The following SUN3 variants were observed in gnomAD, a reference collection of about 807,000 sequenced individuals.
The protein encoded by SUN3 is Sad1 and UNC84 domain containing 3, also known as SUN domain-containing protein 3.
SUN3 carries 36 observed loss-of-function variants against 48.2 expected under a neutral mutation model. That is an observed-to-expected ratio of 0.75 (90% CI 0.57 to 0.99). SUN3 has a LOEUF of 0.99. Among genes scored for constraint, SUN3 ranks in the 50% least tolerant of loss-of-function variants. The pLI is 0.00. For missense variants in SUN3, 419 were observed against 433.1 expected, an observed-to-expected ratio of 0.97 and a Z score of 0.29; for synonymous variants, 148 against 147.9, an observed-to-expected ratio of 1.00 and a Z score of 0.00.
rs761369642 is a variant in SUN3, at chr7:47,988,864, C to A, written c.878G>T (p.Cys293Phe). The A allele has an allele frequency of 1.9e-6, 3 of 1,604,110 alleles. No homozygotes were observed. In the South Asian group the frequency reaches 3.3e-5, roughly 18 times the overall value. Residue 293 changes from cysteine to phenylalanine, a missense_variant, in exon 9 of 10, where the codon TGT becomes TTT. By Grantham distance (205) the Cys-to-Phe change is radical (BLOSUM62 -2). Coordinates refer to ENST00000297325, the MANE Select transcript of SUN3 (RefSeq NM_001030019.2). Reference protein sequence around the residue: ...EFSVYGITKKCEGEEIFLGQF... With the variant: ...EFSVYGITKKFEGEEIFLGQF... Reference sequence around the variant, plus strand: ...ACCTAGGAAAATTTCTTCTCCTTCACATTTTTTTGTGATGCCCTATAAAGA... The same window carrying A: ...ACCTAGGAAAATTTCTTCTCCTTCAAATTTTTTTGTGATGCCCTATAAAGA...
chr7:48,027,060 G>A lies in SUN3; in HGVS notation c.123-1122C>T, dbSNP rs1156427911. On this transcript the variant is annotated intron_variant, in intron 1 of 9. Transcript: ENST00000297325. ...AGCTCTATCCCCATTAAGTAGGTTT[G>A]TCTGGGTTTGAACCATCTATAAATG... Among the ~76,000 whole-genome samples, 4 of 152,144 alleles carry A rather than the reference G, an allele frequency of 2.6e-5. No individual in the cohort carries two copies. In the East Asian group the frequency reaches 7.7e-4, roughly 29 times the overall value.
chr7:48,028,925 G>A lies in SUN3; in HGVS notation c.14C>T (p.Thr5Ile). Reference protein sequence around the residue: MSGKTKARRAAMFFR... With the variant: MSGKIKARRAAMFFR... ...AAACATGGCAGCCCTTCTTGCCTTT[G>A]TTTTTCCACTCATGATCCCCTACCA... The change falls in exon 1 of 10, where the codon ACA (threonine) becomes ATA (isoleucine). Residue 5 changes from threonine (T) to isoleucine (I), a missense_variant. Thr to Ile is a moderately conservative substitution (Grantham distance 89). Coordinates refer to ENST00000297325, the MANE Select transcript of SUN3 (RefSeq NM_001030019.2). 6.2e-7 allele frequency: 1 copy of A among 1,613,818 alleles called. No homozygotes were observed. The highest frequency in any genetic ancestry group is 2.2e-5 in the East Asian group (1 of 44,874).
At chr7:48,028,305 C>T (rs1468739552) in intron 1 of SUN3, among the ~76,000 whole-genome samples, 3 of 151,368 alleles carry the variant, frequency 2.0e-5, no homozygotes. Flanking sequence ...ATAATAATCC[C>T]CACATATGTT....
chr7:48,019,907 G>A (rs1453232939), intron 2 of SUN3, among the ~76,000 whole-genome samples: 1 of 146,400 alleles, frequency 6.8e-6, no homozygotes, highest in Non-Finnish European at 1.5e-5. Flanking sequence ...AAGAGAGGAG[G>A]AGGGAATACT....
At chr7:47,987,569 T>C in intron 9 of SUN3, 120 bp from the exon 10 acceptor site, 2 of 983,370 alleles carry the variant, frequency 2.0e-6, no homozygotes. Context: ...GATCTGGCTC[T>C]GTCACACAGG....
Position 48,017,329 on chromosome 7 carries a change from A to T in SUN3, c.221T>A (p.Val74Asp). The change falls in exon 3 of 10, where the codon GTT becomes GAT. Residue 74 changes from valine to aspartate, a missense_variant. Coordinates refer to ENST00000297325, the MANE Select transcript of SUN3 (RefSeq NM_001030019.2). The stretch of plus-strand genomic sequence containing the variant: ...ATATAATTGTCTGGATTTCTGAGGA[A>T]CATCTGTTTCTTTAAGCCACTGATG... Reference protein sequence around the residue: ...LNHQWLKETDVPQKSRQLYAI... With the variant: ...LNHQWLKETDDPQKSRQLYAI... 1 of 1,610,046 alleles carries T rather than the reference A, an allele frequency of 6.2e-7. No homozygotes were observed. Among genetic ancestry groups the T allele is most frequent in the Non-Finnish European group, 8.5e-7 (1 of 1,177,442 alleles).
chr7:47,987,400 T>C lies in SUN3; in HGVS notation c.1004A>G (p.Asn335Ser). 6 of 1,605,822 alleles carry C rather than the reference T, an allele frequency of 3.7e-6. No individual in the cohort carries two copies. In the South Asian group the frequency reaches 5.6e-5, roughly 15 times the overall value. The change falls in exon 10 of 10, where the codon AAC becomes AGC. Residue 335 changes from asparagine (N) to serine (S), a missense_variant. Asn to Ser is a conservative substitution (Grantham distance 46). Transcript: ENST00000297325. ...ACAAGTATACTTCGGGTGTCCCCAG[T>C]TGCTAAAGATATTAAGTTTCACACA... ...LLCVKLNIFS[N>S]WGHPKYTCLY...
intron 6 of SUN3, among the ~76,000 whole-genome samples, chr7:47,998,825 G>A (rs924937176): frequency 2.0e-5 from 3 of 152,192 alleles, no homozygotes; most frequent in Middle Eastern, 3.4e-3. Flanking sequence ...TTCACCACAG[G>A]TGTGAACTAC....
At chr7:47,994,227 C>G in intron 8 of SUN3, 88 bp downstream of exon 8, 1 of 1,211,582 alleles carries the variant, frequency 8.3e-7, no homozygotes, top group South Asian at 1.4e-5. Flanking sequence ...AACTAGTTAT[C>G]TGTCCTAGTT....
In SUN3 at chr7:48,028,676, A is replaced by G; in HGVS notation, c.122+141T>C. The G allele has an allele frequency of 6.3e-6, 7 of 1,119,666 alleles. No individual in the cohort carries two copies. The South Asian group carries it at 6.3e-5, about 10-fold the overall frequency. The allele number at this position is 1,119,666 out of a possible 1,614,324, so 69.4% of individuals were successfully genotyped here. A position where few individuals can be genotyped will look rare whatever the true frequency, so the allele number is the denominator to read the frequency against. Reference sequence around the variant, plus strand: ...AGACTGTGATGAAGAGAAACCTTCAAAGGAAACTATTGAAAATGATTTTCT... The same window carrying G: ...AGACTGTGATGAAGAGAAACCTTCAGAGGAAACTATTGAAAATGATTTTCT... On this transcript the variant is annotated intron_variant, in intron 1 of 9. Transcript: ENST00000297325.
At chr7:47,998,330 A>AT (rs963612435) in intron 6 of SUN3, among the ~76,000 whole-genome samples, 13 of 152,272 alleles carry the variant, frequency 8.5e-5, no homozygotes, top group South Asian at 6.2e-4. Context: ...AATGTAAGGC[A>AT]TTTTTTCATA....
intron 6 of SUN3, among the ~76,000 whole-genome samples, chr7:48,003,250 T>C (rs559172168): frequency 5.7e-4 from 87 of 152,278 alleles, no homozygotes; most frequent in African/African-American, 2.0e-3. Context: ...TATTTCTGGG[T>C]TCTCTATTCT....
intron 3 of SUN3, among the ~76,000 whole-genome samples, chr7:48,013,667 C>A (rs940358852): frequency 2.6e-5 from 4 of 152,112 alleles, no homozygotes; most frequent in African/African-American, 9.7e-5. Context: ...TCATCCATTA[C>A]ATGTCATTAT....
intron 1 of SUN3, among the ~76,000 whole-genome samples, chr7:48,027,937 T>C (rs1307145398): frequency 6.6e-6 from 1 of 152,220 alleles, no homozygotes; most frequent in Non-Finnish European, 1.5e-5. Context: ...GTGAAAATTA[T>C]CACATTACCA....
intron 6 of SUN3, among the ~76,000 whole-genome samples, chr7:48,002,980 G>A (rs1364830657): frequency 1.3e-5 from 2 of 151,066 alleles, no homozygotes; most frequent in African/African-American, 4.9e-5. Flanking sequence ...ATACTGTGTT[G>A]AATAGGAGTG....
rs1788924152 is a variant in SUN3, at chr7:47,987,195, T to C, written c.*135A>G. On this transcript the variant is annotated 3_prime_UTR_variant, in exon 10 of 10. Coordinates refer to ENST00000297325, the MANE Select transcript of SUN3 (RefSeq NM_001030019.2). Reference sequence around the variant, plus strand: ...TTATTAGTAAAATGCATTTACTTTTTACAGGCAAGTATGAACCACTTTGAG... The same window carrying C: ...TTATTAGTAAAATGCATTTACTTTTCACAGGCAAGTATGAACCACTTTGAG... 2.4e-6 allele frequency: 2 copies of C among 818,018 alleles called. No homozygotes were observed. The highest frequency in any genetic ancestry group is 5.9e-5 in the East Asian group (2 of 33,838). 50.7% of individuals were successfully genotyped at this position (818,018 alleles called of 1,614,324 possible).
intron 6 of SUN3, among the ~76,000 whole-genome samples, chr7:48,001,042 T>G (rs1789350954): frequency 6.6e-6 from 1 of 152,242 alleles, no homozygotes; most frequent in Admixed American, 6.5e-5. Flanking sequence ...TTTTCATTCT[T>G]TGAATTGCAT....
chr7:48,007,985 G>A (rs577495264), intron 4 of SUN3, among the ~76,000 whole-genome samples: 44 of 152,102 alleles, frequency 2.9e-4, no homozygotes, highest in South Asian at 8.3e-4. Flanking sequence ...CACCGCGCTC[G>A]GCTAATTTTT....
At chr7:47,999,633 G>A (rs1789304609) in intron 6 of SUN3, among the ~76,000 whole-genome samples, 3 of 152,322 alleles carry the variant, frequency 2.0e-5, no homozygotes, top group South Asian at 4.1e-4. Context: ...CGCCTTGCAG[G>A]TTCAAGCGAT....
Sources: gnomAD v4.1 joint callset for allele counts (sites outside exome capture counted in the v4.1 genomes callset) on GRCh38, gnomAD v4.1.1 for gene constraint, MANE v1.5 for transcripts, NCBI Gene and HGNC (gene_info 2026-07-23, HGNC 2026-07-21) for gene names.